NDST4: variants seen among roughly 807,000 people sequenced by gnomAD.
NDST4 encodes N-deacetylase and N-sulfotransferase 4, also known as N-heparan sulfate sulfotransferase 4.
A neutral mutation model predicts 100.8 loss-of-function variants in NDST4; 63 were observed. The observed-to-expected ratio is 0.62, with a 90% CI of 0.51 to 0.77. The LOEUF (loss-of-function observed/expected upper bound fraction) is 0.77, where lower values mean the gene tolerates loss of function less well. NDST4 is among the 30% of genes least tolerant of loss of function. The pLI is 0.00. For missense variants in NDST4, 943 were observed against 1,018.4 expected, an observed-to-expected ratio of 0.93 and a Z score of 1.01; for synonymous variants, 377 against 361.8, an observed-to-expected ratio of 1.04 and a Z score of -0.48.
intron 1 of NDST4, among the ~76,000 whole-genome samples, chr4:115,087,928 ATTC>A (rs1219476365): frequency 6.6e-6 from 1 of 151,908 alleles, no homozygotes; most frequent in Non-Finnish European, 1.5e-5. Flanking sequence ...ACATTAACAA[ATTC>A]TTATTTCTTT....
At chr4:114,984,422 C>CTGCATCGG (rs3043339) in intron 2 of NDST4, among the ~76,000 whole-genome samples, 62,100 of 151,454 alleles carry the variant, frequency 0.41, 13,651 homozygotes, top group African/African-American at 0.58. Flanking sequence ...TGTGATCCAC[C>CTGCATCGG]CATCCCAAAG....
At chr4:115,101,814 T>A (rs2126298363) in intron 1 of NDST4, among the ~76,000 whole-genome samples, 1 of 152,220 alleles carries the variant, frequency 6.6e-6, no homozygotes, top group African/African-American at 2.4e-5. Flanking sequence ...AATATATGCT[T>A]ATTAGCAGGT....
At chr4:115,054,829 C>T (rs980477268) in intron 2 of NDST4, among the ~76,000 whole-genome samples, 6 of 152,184 alleles carry the variant, frequency 3.9e-5, no homozygotes, top group African/African-American at 1.4e-4. Context: ...TACTCCTTAG[C>T]AGATAGTTTT....
chr4:115,082,440 C>T (rs143821316), intron 1 of NDST4, among the ~76,000 whole-genome samples: 1,694 of 152,102 alleles, frequency 0.011, 15 homozygotes, highest in African/African-American at 0.02. Flanking sequence ...GTAGTTATTG[C>T]TACTTTTGGA....
intron 2 of NDST4, among the ~76,000 whole-genome samples, chr4:115,062,549 A>C (rs1578492456): frequency 6.6e-6 from 1 of 151,988 alleles, no homozygotes; most frequent in African/African-American, 2.4e-5. Flanking sequence ...AAAAGATATA[A>C]AAAGACATGA....
intron 2 of NDST4, among the ~76,000 whole-genome samples, chr4:115,007,491 A>C (rs1333084091): frequency 6.6e-6 from 1 of 152,182 alleles, no homozygotes; most frequent in Admixed American, 6.6e-5. Context: ...AACAGAAGGT[A>C]ATGATACATG....
chr4:115,060,220 A>G (rs1728788779), intron 2 of NDST4, among the ~76,000 whole-genome samples: 1 of 151,964 alleles, frequency 6.6e-6, no homozygotes, highest in Non-Finnish European at 1.5e-5. Context: ...TATTTTCTTC[A>G]TTTGTGCAGC....
rs903590426 is a variant in NDST4 at position 114,871,473 on chromosome 4, T to C, written c.1537-523A>G. 7.9e-5 allele frequency among the ~76,000 whole-genome samples: 12 copies of C among 152,098 alleles called. 1 individual carries two copies. The highest frequency in any genetic ancestry group is 2.9e-4 in the African/African-American group (12 of 41,440). On this transcript the variant is annotated intron_variant, in intron 6 of 13. Transcript: ENST00000264363. The stretch of plus-strand genomic sequence containing the variant: ...ACTTTTCCCCACTCATTAATCCTTT[T>C]ACAACTTTTCATACCCCAATATTAA...
chr4:115,032,750 T>C (rs1048520412), intron 2 of NDST4, among the ~76,000 whole-genome samples: 1 of 152,098 alleles, frequency 6.6e-6, no homozygotes, highest in African/African-American at 2.4e-5. Context: ...GAGCTTTTGG[T>C]AGGTAATAGT....
At chr4:114,879,817 C>T (rs1724329052) in intron 6 of NDST4, among the ~76,000 whole-genome samples, 4 of 152,070 alleles carry the variant, frequency 2.6e-5, no homozygotes. Flanking sequence ...ATCCTAAAAC[C>T]CTGAAAACAG....
At chr4:114,953,184 G>A (rs941616571) in intron 4 of NDST4, among the ~76,000 whole-genome samples, 1 of 151,752 alleles carries the variant, frequency 6.6e-6, no homozygotes, top group African/African-American at 2.4e-5. Flanking sequence ...AAATTCTAGG[G>A]CTCGGTTTTC....
rs148239981 is a variant in NDST4, at chr4:114,952,639, T to A, written c.1222-15136A>T. Among the ~76,000 whole-genome samples, 340 of 152,258 alleles carry A rather than the reference T, an allele frequency of 2.2e-3. 1 individual carries two copies. Among genetic ancestry groups the A allele is most frequent in the African/African-American group, 8.0e-3 (331 of 41,570 alleles). ...CAAAAAGTTCATGCTATCCTTTATG[T>A]TGTAAGTTTGGTGAAAATAGGAATT... On this transcript the variant is annotated intron_variant, in intron 4 of 13. Coordinates refer to ENST00000264363, the MANE Select transcript of NDST4 (RefSeq NM_022569.3).
chr4:114,892,810 C>T (rs976518745), intron 6 of NDST4, among the ~76,000 whole-genome samples: 2 of 151,678 alleles, frequency 1.3e-5, no homozygotes, highest in African/African-American at 2.4e-5. Flanking sequence ...AAAAGGGGTA[C>T]ATTTGCAGAA....
At chr4:114,977,122 T>C (rs1347218001) in intron 3 of NDST4, 65 bp downstream of exon 3, 17 of 1,053,250 alleles carry the variant, frequency 1.6e-5, no homozygotes, top group East Asian at 1.2e-4. Flanking sequence ...CTACCACTTA[T>C]GAATCATTCA....
intron 2 of NDST4, among the ~76,000 whole-genome samples, chr4:115,001,672 A>C (rs949951956): frequency 6.6e-6 from 1 of 152,014 alleles, no homozygotes; most frequent in Non-Finnish European, 1.5e-5. Flanking sequence ...AGAATCCTTC[A>C]GGACTAGAAC....
Position 114,842,618 on chromosome 4 carries a change from TAAAAAAAAAA to T in NDST4, c.2116-3080_2116-3071del, listed in dbSNP as rs71584042. On this transcript the variant is annotated intron_variant, in intron 10 of 13. Transcript: ENST00000264363. ...AAACACGATGAAAACCAGTCTCTAC[TAAAAAAAAAA>T]AAAAAAAAAAAAAAAAAAAAAAATT... 67 of 41,048 alleles carry T rather than the reference TAAAAAAAAAA, an allele frequency of 1.6e-3. 1 individual carries two copies. The highest frequency in any genetic ancestry group is 5.2e-3 in the African/African-American group (52 of 9,952). The allele number at this position is 41,048 out of a possible 1,614,324, so 2.5% of individuals were successfully genotyped here.
At chr4:114,832,489 A>C (rs116770895) in intron 12 of NDST4, among the ~76,000 whole-genome samples, 253 of 152,242 alleles carry the variant, frequency 1.7e-3, no homozygotes, top group Non-Finnish European at 2.6e-3. Flanking sequence ...TTTAAGGTAT[A>C]TTTTGGCTAC....
At chr4:114,962,837 A>T (rs2126236987) in intron 4 of NDST4, among the ~76,000 whole-genome samples, 1 of 152,218 alleles carries the variant, frequency 6.6e-6, no homozygotes, top group African/African-American at 2.4e-5. Context: ...AATTCAAAAG[A>T]CCCAGAATAG....
intron 7 of NDST4, among the ~76,000 whole-genome samples, chr4:114,866,208 G>A (rs1252284596): frequency 1.3e-5 from 2 of 152,138 alleles, no homozygotes; most frequent in Non-Finnish European, 2.9e-5. Flanking sequence ...CTCCTACTTC[G>A]AAGGTCTTGC....
Sources: gnomAD v4.1 joint callset for allele counts (sites outside exome capture counted in the v4.1 genomes callset) on GRCh38, gnomAD v4.1.1 for gene constraint, MANE v1.5 for transcripts, NCBI Gene and HGNC (gene_info 2026-07-23, HGNC 2026-07-21) for gene names.